Variants in TCERG1L observed in about 807,000 individuals in gnomAD.
TCERG1L encodes transcription elongation regulator 1 like, also known as transcription elongation regulator 1-like protein.
In TCERG1L, 37 loss-of-function variants were observed where a neutral mutation model predicts 56.3. That is an observed-to-expected ratio of 0.66 (90% CI 0.51 to 0.87). TCERG1L has a LOEUF of 0.87. Among genes scored for constraint, TCERG1L ranks in the 40% least tolerant of loss-of-function variants. The pLI is 0.00. For synonymous variants in TCERG1L, 324 were observed against 326.3 expected, an observed-to-expected ratio of 0.99 and a Z score of 0.08; for missense variants, 799 against 774.2, an observed-to-expected ratio of 1.03 and a Z score of -0.38.
chr10:131,182,550 A>G (rs934123808), intron 4 of TCERG1L, among the ~76,000 whole-genome samples: 4 of 152,256 alleles, frequency 2.6e-5, no homozygotes, highest in Non-Finnish European at 4.4e-5. Flanking sequence ...AAGTGAACTC[A>G]TGCTTCTCGG....
At chr10:131,203,314 CA>C (rs58016777) in intron 4 of TCERG1L, among the ~76,000 whole-genome samples, 65 of 117,534 alleles carry the variant, frequency 5.5e-4, no homozygotes, top group Non-Finnish European at 5.5e-4. Context: ...GACTCCGTCT[CA>C]AAAAAAAAAA....
intron 4 of TCERG1L, among the ~76,000 whole-genome samples, chr10:131,220,114 C>T (rs1845714336): frequency 6.6e-6 from 1 of 152,246 alleles, no homozygotes; most frequent in Admixed American, 6.5e-5. Flanking sequence ...CATGGCCTTT[C>T]AGAGCCTCCA....
intron 4 of TCERG1L, among the ~76,000 whole-genome samples, chr10:131,227,618 T>C (rs1210579663): frequency 6.6e-6 from 1 of 152,220 alleles, no homozygotes; most frequent in East Asian, 1.9e-4. Context: ...CTGGGTTCTC[T>C]ATGGGGCAAC....
At position 131,116,069 on chromosome 10, in the gene TCERG1L, G is replaced by C. The variant is rs1262428813; in HGVS notation, c.1395+730C>G. On this transcript the variant is annotated intron_variant, in intron 9 of 11. Coordinates refer to ENST00000368642, the MANE Select transcript of TCERG1L (RefSeq NM_174937.4). ...CACGTGGGGCCCACCACTGCCGCCT[G>C]CAGTCAGCCTTATTTTGTAAGGAAA... 2.0e-5 allele frequency among the ~76,000 whole-genome samples: 3 copies of C among 152,290 alleles called. No homozygotes were observed. In the East Asian group the frequency reaches 5.8e-4, roughly 30 times the overall value.
intron 7 of TCERG1L, among the ~76,000 whole-genome samples, chr10:131,138,493 C>T (rs934483417): frequency 4.6e-5 from 7 of 152,182 alleles, no homozygotes; most frequent in African/African-American, 1.4e-4. Context: ...TGCCCCATTA[C>T]AATGCCTAGC....
chr10:131,197,036 A>G (rs1845372077), intron 4 of TCERG1L, among the ~76,000 whole-genome samples: 1 of 152,070 alleles, frequency 6.6e-6, no homozygotes, highest in Admixed American at 6.5e-5. Context: ...TGGGGAGTCC[A>G]TGCCCCCCTC....
chr10:131,245,788 G>C (rs564479004), intron 4 of TCERG1L, among the ~76,000 whole-genome samples: 1 of 152,208 alleles, frequency 6.6e-6, no homozygotes, highest in African/African-American at 2.4e-5. Flanking sequence ...GGTGGGAAGT[G>C]CGCACGGGGC....
Position 131,146,512 on chromosome 10 carries a change from G to C in TCERG1L, c.1183C>G (p.Pro395Ala). 1 of 1,608,574 alleles carries C rather than the reference G, an allele frequency of 6.2e-7. No individual in the cohort carries two copies. Among genetic ancestry groups the C allele is most frequent in the Non-Finnish European group, 8.5e-7 (1 of 1,176,332 alleles). The change falls in exon 7 of 12, where the codon CCA (proline) becomes GCA (alanine). Residue 395 changes from proline (P) to alanine (A), a missense_variant. Coordinates refer to ENST00000368642, the MANE Select transcript of TCERG1L (RefSeq NM_174937.4). ...TAACCCAGGGCTTAGTTACTTGCTGGTGCCTCCAGCTTGCGTTTGTGGGGC... is the reference window on the plus strand; with the variant it reads ...TAACCCAGGGCTTAGTTACTTGCTGCTGCCTCCAGCTTGCGTTTGTGGGGC... Reference protein sequence around the residue: ...DPPHKRKLEAPATDNSDGSSS... With the variant: ...DPPHKRKLEAAATDNSDGSSS...
At chr10:131,097,165 C>T (rs1399843625) in intron 11 of TCERG1L, among the ~76,000 whole-genome samples, 1 of 135,124 alleles carries the variant, frequency 7.4e-6, no homozygotes, top group African/African-American at 2.8e-5. Context: ...CGTGCCATTG[C>T]ACCACAGCCT....
At chr10:131,152,276 C>A (rs1467085861) in intron 6 of TCERG1L, among the ~76,000 whole-genome samples, 4 of 152,166 alleles carry the variant, frequency 2.6e-5, no homozygotes, top group Non-Finnish European at 5.9e-5. Flanking sequence ...TTAGAAATTT[C>A]TTCCACCAGA....
chr10:131,258,185 C>A (rs1003709193), intron 4 of TCERG1L, among the ~76,000 whole-genome samples: 46 of 152,328 alleles, frequency 3.0e-4, no homozygotes, highest in African/African-American at 1.1e-3. Flanking sequence ...GCTGCCTGGG[C>A]ATTCGCTGAG....
At chr10:131,234,636 G>C (rs1323825372) in intron 4 of TCERG1L, among the ~76,000 whole-genome samples, 1 of 152,212 alleles carries the variant, frequency 6.6e-6, no homozygotes, top group East Asian at 1.9e-4. Context: ...CTTGGAAGAA[G>C]TCGTTGAGAA....
At chr10:131,288,909 G>T (rs770450243) in intron 3 of TCERG1L, among the ~76,000 whole-genome samples, 1 of 152,162 alleles carries the variant, frequency 6.6e-6, no homozygotes, top group African/African-American at 2.4e-5. Flanking sequence ...CATTTCCACC[G>T]TCTGGCTTCC....
At chr10:131,116,065 G>C (rs913133049) in intron 9 of TCERG1L, among the ~76,000 whole-genome samples, 6 of 152,074 alleles carry the variant, frequency 3.9e-5, no homozygotes, top group Non-Finnish European at 7.4e-5. Flanking sequence ...CACCACTGCC[G>C]CCTGCAGTCA....
intron 7 of TCERG1L, among the ~76,000 whole-genome samples, chr10:131,142,959 C>T (rs1223330326): frequency 2.0e-5 from 3 of 152,020 alleles, no homozygotes; most frequent in Admixed American, 6.6e-5. Flanking sequence ...AGAGTGGGAG[C>T]GGGAGGCAGA....
intron 9 of TCERG1L, among the ~76,000 whole-genome samples, chr10:131,107,015 G>A (rs1845358568): frequency 7.1e-6 from 1 of 141,226 alleles, no homozygotes; most frequent in African/African-American, 2.9e-5. Context: ...ACTCTGGGAG[G>A]GTCTCCAGAC....
Position 131,199,470 on chromosome 10 carries a change from A to T in TCERG1L, c.857-32585T>A, listed in dbSNP as rs138489607. Among the ~76,000 whole-genome samples the T allele has an allele frequency of 3.4e-3, 515 of 152,340 alleles. 5 individuals carry two copies. Among genetic ancestry groups the T allele is most frequent in the African/African-American group, 0.012 (494 of 41,584 alleles). Reference sequence around the variant, plus strand: ...CTCTGCCTTCACCAAGTCCCAGGACACAGACACAGCTCACCCAGTTCTTGG... The same window carrying T: ...CTCTGCCTTCACCAAGTCCCAGGACTCAGACACAGCTCACCCAGTTCTTGG... On this transcript the variant is annotated intron_variant, in intron 4 of 11. Coordinates refer to ENST00000368642, the MANE Select transcript of TCERG1L (RefSeq NM_174937.4).
At chr10:131,251,075 G>C (rs529092377) in intron 4 of TCERG1L, among the ~76,000 whole-genome samples, 1 of 151,696 alleles carries the variant, frequency 6.6e-6, no homozygotes, top group Admixed American at 6.6e-5. Context: ...CCGTGGGTCC[G>C]TCTCAGGGAA....
At chr10:131,232,377 C>T (rs148534159) in intron 4 of TCERG1L, among the ~76,000 whole-genome samples, 26 of 152,330 alleles carry the variant, frequency 1.7e-4, no homozygotes, top group Middle Eastern at 3.4e-3. Context: ...CCCTGGCAGC[C>T]GCCTCCAACA....
Sources: gnomAD v4.1 joint callset for allele counts (sites outside exome capture counted in the v4.1 genomes callset) on GRCh38, gnomAD v4.1.1 for gene constraint, MANE v1.5 for transcripts, NCBI Gene and HGNC (gene_info 2026-07-23, HGNC 2026-07-21) for gene names.